EMP1: variants seen among roughly 807,000 people sequenced by gnomAD.
EMP1 encodes tumor-associated membrane protein.
EMP1 carries 5 observed loss-of-function variants against 15.7 expected under a neutral mutation model. The ratio of observed to expected loss-of-function variants is 0.32; its 90% CI spans 0.17 to 0.67. The LOEUF is 0.67. Ranked by LOEUF, EMP1 falls within the 30% of genes least tolerant of loss-of-function variation. EMP1 has a pLI of 0.74. For synonymous variants in EMP1, 78 were observed against 76.7 expected (o/e 1.02, Z -0.09); for missense variants, 166 against 194.2 (o/e 0.85, Z 0.86).
chr12:13,196,914 TCTC>T (rs1363799429), intron 1 of EMP1, 42 bp downstream of exon 1: 3 of 152,092 alleles, frequency 2.0e-5, no homozygotes, highest in African/African-American at 4.8e-5. Context: ...CAGCAAAACT[TCTC>T]CTTCCTTTCC....
chr12:13,216,304 A>G lies in EMP1; in HGVS notation c.*1613A>G, dbSNP rs1864215065. On this transcript the variant is annotated 3_prime_UTR_variant, in exon 5 of 5. Coordinates refer to ENST00000256951, the MANE Select transcript of EMP1 (RefSeq NM_001423.3). The stretch of plus-strand genomic sequence containing the variant: ...TTCCTTTTTGGGGAGTTGTTATGCC[A>G]TGATTTTTGGTATTTATGTAAAAGG... 2 of 687,626 alleles carry G rather than the reference A, an allele frequency of 2.9e-6. No homozygotes were observed. Among genetic ancestry groups the G allele is most frequent in the Non-Finnish European group, 5.3e-6 (2 of 378,090 alleles). The allele number at this position is 687,626 out of a possible 1,614,324, so 42.6% of individuals were successfully genotyped here. A position where few individuals can be genotyped will look rare whatever the true frequency, so the allele number is the denominator to read the frequency against.
At chr12:13,200,679 C>T (rs1299411101) in intron 1 of EMP1, among the ~76,000 whole-genome samples, 2 of 152,222 alleles carry the variant, frequency 1.3e-5, no homozygotes, top group African/African-American at 4.8e-5. Context: ...AAACCATTTC[C>T]TTCAATTTAC....
chr12:13,216,905 G>A lies in EMP1; in HGVS notation c.*2214G>A. 6.3e-6 allele frequency: 1 copy of A among 157,518 alleles called. No homozygotes were observed. The highest frequency in any genetic ancestry group is 1.4e-5 in the Non-Finnish European group (1 of 71,208). 9.8% of individuals were successfully genotyped at this position (157,518 alleles called of 1,614,324 possible). ...TATTTGAGACATTAAGCTACTTTCT[G>A]GTAATATATTAGGCATTTCTGCAAT... On this transcript the variant is annotated 3_prime_UTR_variant, in exon 5 of 5. Coordinates refer to ENST00000256951, the MANE Select transcript of EMP1 (RefSeq NM_001423.3).
At chr12:13,204,462 GC>G (rs1253002549) in intron 1 of EMP1, among the ~76,000 whole-genome samples, 3 of 152,116 alleles carry the variant, frequency 2.0e-5, no homozygotes. Context: ...TGTGTTACAT[GC>G]GCATCCATTT....
In EMP1 at chr12:13,210,281, T is replaced by G. The variant is rs190912267; in HGVS notation, c.-42-1188T>G. On this transcript the variant is annotated intron_variant, in intron 1 of 4. Transcript: ENST00000256951. ...AGGATGCGCCTGGCCATCTCCTCCC[T>G]TGGTTGGGGCATCCACACATCCATT... Among the ~76,000 whole-genome samples the G allele has an allele frequency of 2.2e-3, 338 of 152,344 alleles. 1 individual carries two copies. Among genetic ancestry groups the G allele is most frequent in the Non-Finnish European group, 3.9e-3 (264 of 68,018 alleles).
At chr12:13,213,922 T>G in intron 4 of EMP1, 101 bp downstream of exon 4, 2 of 1,522,510 alleles carry the variant, frequency 1.3e-6, no homozygotes, top group Non-Finnish European at 1.8e-6. Flanking sequence ...TCAGTGAAAC[T>G]TCCTTGTGCA....
At chr12:13,200,199 A>G (rs748198227) in intron 1 of EMP1, among the ~76,000 whole-genome samples, 1 of 152,144 alleles carries the variant, frequency 6.6e-6, no homozygotes, top group Non-Finnish European at 1.5e-5. Context: ...GGACACACCC[A>G]GTGTTGCTAC....
rs1864088374 is a variant in EMP1 at position 13,203,981 on chromosome 12, C to A, written c.-43+7109C>A. Among the ~76,000 whole-genome samples, 3 of 152,194 alleles carry A rather than the reference C, an allele frequency of 2.0e-5. No homozygotes were observed. The South Asian group carries it at 6.2e-4, about 32-fold the overall frequency. On this transcript the variant is annotated intron_variant, in intron 1 of 4. Coordinates refer to ENST00000256951, the MANE Select transcript of EMP1 (RefSeq NM_001423.3). ...CTGTGCTAGTCTACACAGCACCAGA[C>A]CAACACGACTTGCTGTATAATAACC...
chr12:13,213,324 C>T (rs1382970722), intron 2 of EMP1, 155 bp from the exon 3 acceptor site: 1 of 686,748 alleles, frequency 1.5e-6, no homozygotes, highest in African/African-American at 1.8e-5. Context: ...TTTAATCGGA[C>T]CTTATTTCCG....
rs138056321 is a variant in EMP1 at position 13,207,687 on chromosome 12, C to T, written c.-42-3782C>T. Reference sequence around the variant, plus strand: ...GGGTCCTATACCTTCCTCAGTTTCCCACCCAGCCCCTAACTGCCCCTGTGC... The same window carrying T: ...GGGTCCTATACCTTCCTCAGTTTCCTACCCAGCCCCTAACTGCCCCTGTGC... On this transcript the variant is annotated intron_variant, in intron 1 of 4. Transcript: ENST00000256951. Among the ~76,000 whole-genome samples the T allele has an allele frequency of 4.9e-3, 751 of 152,294 alleles. 7 individuals are homozygous for T. The highest frequency in any genetic ancestry group is 0.024 in the Middle Eastern group (7 of 294).
chr12:13,200,483 A>C (rs1360090637), intron 1 of EMP1, among the ~76,000 whole-genome samples: 2 of 152,162 alleles, frequency 1.3e-5, no homozygotes, highest in African/African-American at 4.8e-5. Context: ...CCCTTTTCTA[A>C]TACTCTTCCC....
chr12:13,207,376 G>A (rs78611653), intron 1 of EMP1, among the ~76,000 whole-genome samples: 217 of 152,282 alleles, frequency 1.4e-3, no homozygotes, highest in African/African-American at 5.1e-3. Flanking sequence ...TAGCTATTCT[G>A]TTAGCTAAGA....
In EMP1 at chr12:13,213,684, C is replaced by T. The variant is rs748578842; in HGVS notation, c.179C>T (p.Ala60Val). 2.5e-6 allele frequency: 4 copies of T among 1,613,910 alleles called. No individual in the cohort carries two copies. The highest frequency in any genetic ancestry group is 2.5e-6 in the Non-Finnish European group (3 of 1,179,914). ...SDSLSYASED[A>V]LKTVQAFMIL... ...TCTCCTCGTCCTGTGTCTACAGATG[C>T]CCTCAAGACAGTGCAGGCCTTCATG... The change falls in exon 4 of 5, where the codon GCC becomes GTC. Residue 60 changes from alanine to valine, a missense_variant. Transcript: ENST00000256951.
At chr12:13,208,891 G>T (rs894851102) in intron 1 of EMP1, among the ~76,000 whole-genome samples, 2 of 152,188 alleles carry the variant, frequency 1.3e-5, no homozygotes, top group Non-Finnish European at 2.9e-5. Context: ...TGATGCATGG[G>T]CCCAGGTAGA....
At chr12:13,197,012 G>C (rs1010314554) in intron 1 of EMP1, 140 bp downstream of exon 1, 2 of 152,134 alleles carry the variant, frequency 1.3e-5, no homozygotes, top group Non-Finnish European at 2.9e-5. Context: ...TAAGAACCAA[G>C]TCCTTGAAAC....
chr12:13,214,022 A>G, intron 4 of EMP1: 1 of 811,324 alleles, frequency 1.2e-6, no homozygotes, highest in Non-Finnish European at 2.1e-6. Flanking sequence ...GTTCAAAACC[A>G]GTGCTCCTGG....
chr12:13,216,838 T>A lies in EMP1; in HGVS notation c.*2147T>A, dbSNP rs751876008. On this transcript the variant is annotated 3_prime_UTR_variant, in exon 5 of 5. Transcript: ENST00000256951. ...TATGGATAATTATGACATTTATCCC[T>A]CATTAAGCTGCCTATCAGTTTGATT... 5.7e-6 allele frequency: 1 copy of A among 176,208 alleles called. No homozygotes were observed. Among genetic ancestry groups the A allele is most frequent in the Non-Finnish European group, 1.2e-5 (1 of 83,512 alleles). 10.9% of individuals were successfully genotyped at this position (176,208 alleles called of 1,614,324 possible).
At chr12:13,214,389 C>T (rs1246611972) in intron 4 of EMP1, 145 bp from the exon 5 acceptor site, 14 of 1,127,574 alleles carry the variant, frequency 1.2e-5, no homozygotes, top group Non-Finnish European at 1.7e-5. Context: ...AGGGGACATC[C>T]ATCAGAACTC....
intron 1 of EMP1, among the ~76,000 whole-genome samples, chr12:13,199,851 G>T (rs2121141881): frequency 6.6e-6 from 1 of 151,988 alleles, no homozygotes; most frequent in African/African-American, 2.4e-5. Context: ...TGGTTTTGTT[G>T]TTGCTCCACC....
Sources: allele counts gnomAD v4.1 joint callset (sites outside exome capture counted in the v4.1 genomes callset), GRCh38; gene constraint gnomAD v4.1.1; transcripts MANE v1.5; gene names NCBI Gene and HGNC (gene_info 2026-07-23, HGNC 2026-07-21).